SNX29: variants seen among roughly 807,000 people sequenced by gnomAD.
SNX29 encodes sorting nexin 29, also known as sorting nexin-29.
A neutral mutation model predicts 102.1 loss-of-function variants in SNX29; 78 were observed. The observed-to-expected ratio is 0.76, with a 90% confidence interval of 0.64 to 0.92. The LOEUF (loss-of-function observed/expected upper bound fraction) is 0.92, where lower values mean the gene tolerates loss of function less well. Ranked by LOEUF, SNX29 falls within the 40% of genes least tolerant of loss-of-function variation. The pLI, the probability that SNX29 is intolerant of heterozygous loss-of-function variation, is 0.00. For synonymous variants in SNX29, 580 were observed against 414.5 expected (o/e 1.40, Z -4.85); for missense variants, 1,280 against 1,061.7 (o/e 1.21, Z -2.86).
chr16:12,181,156 G>A lies in SNX29; in HGVS notation c.1596-18445G>A, dbSNP rs376557332. On this transcript the variant is annotated intron_variant, in intron 13 of 20. Coordinates refer to ENST00000566228, the MANE Select transcript of SNX29 (RefSeq NM_032167.5). ...TCCTGGCTTTACTGCACTTCTCAAC[G>A]TGGCCCACCACGCTTTTATGAACCC... Among the ~76,000 whole-genome samples, 11 of 152,140 alleles carry A rather than the reference G, an allele frequency of 7.2e-5. No homozygotes were observed. In the East Asian group the frequency reaches 1.2e-3, roughly 16 times the overall value.
chr16:12,233,544 A>C (rs1416026467), intron 14 of SNX29, among the ~76,000 whole-genome samples: 1 of 152,208 alleles, frequency 6.6e-6, no homozygotes, highest in Non-Finnish European at 1.5e-5. Flanking sequence ...ATTATGCAAT[A>C]TACCCATGTA....
At chr16:12,538,266 C>T (rs1002396792) in intron 20 of SNX29, among the ~76,000 whole-genome samples, 6 of 152,230 alleles carry the variant, frequency 3.9e-5, no homozygotes, top group East Asian at 3.9e-4. Flanking sequence ...CAGGGATCTG[C>T]CACCACACCT....
At chr16:12,548,219 C>T (rs969692314) in intron 20 of SNX29, among the ~76,000 whole-genome samples, 3 of 152,196 alleles carry the variant, frequency 2.0e-5, no homozygotes, top group African/African-American at 7.2e-5. Flanking sequence ...CACGCTGGAT[C>T]CTGCCACAGT....
At chr16:12,209,903 G>C (rs532897235) in intron 14 of SNX29, among the ~76,000 whole-genome samples, 3 of 152,300 alleles carry the variant, frequency 2.0e-5, no homozygotes, top group African/African-American at 7.2e-5. Context: ...GACTCTGCGT[G>C]GGGCTGAGAA....
At chr16:12,238,464 T>C (rs567176817) in intron 14 of SNX29, among the ~76,000 whole-genome samples, 2 of 152,264 alleles carry the variant, frequency 1.3e-5, no homozygotes, top group Admixed American at 6.5e-5. Context: ...TAGCTGGGAT[T>C]ACAGCCACGT....
intron 19 of SNX29, among the ~76,000 whole-genome samples, chr16:12,518,377 G>C (rs1460031053): frequency 6.6e-6 from 1 of 152,170 alleles, no homozygotes; most frequent in African/African-American, 2.4e-5. Flanking sequence ...TCCTGTTCCA[G>C]CAAGCCAAGC....
At chr16:12,157,805 C>A (rs1049434264) in intron 13 of SNX29, among the ~76,000 whole-genome samples, 3 of 152,162 alleles carry the variant, frequency 2.0e-5, no homozygotes, top group Non-Finnish European at 4.4e-5. Context: ...GTGTGCAGGG[C>A]CATTCTCTGA....
intron 16 of SNX29, among the ~76,000 whole-genome samples, chr16:12,381,383 C>CATG (rs2083142764): frequency 9.2e-6 from 1 of 108,566 alleles, no homozygotes; most frequent in Non-Finnish European, 1.9e-5. Flanking sequence ...CATCATCCAC[C>CATG]CACCCACTCA....
chr16:12,560,406 C>T (rs867792150), intron 20 of SNX29, among the ~76,000 whole-genome samples: 4 of 152,170 alleles, frequency 2.6e-5, no homozygotes, highest in African/African-American at 7.2e-5. Context: ...TCCCCAAAAG[C>T]CACAGTGTCT....
At chr16:12,121,968 A>G (rs2053992343) in intron 11 of SNX29, among the ~76,000 whole-genome samples, 2 of 152,008 alleles carry the variant, frequency 1.3e-5, no homozygotes, top group South Asian at 2.1e-4. Context: ...GGCACGCACC[A>G]TCACGCCTGG....
intron 20 of SNX29, among the ~76,000 whole-genome samples, chr16:12,539,972 ATTTTC>A (rs1018785778): frequency 5.9e-5 from 9 of 152,064 alleles, no homozygotes; most frequent in African/African-American, 1.9e-4. Context: ...AGTTGCACAT[ATTTTC>A]TTCTAGTCTT....
intron 19 of SNX29, among the ~76,000 whole-genome samples, chr16:12,505,303 G>A (rs2089321683): frequency 6.6e-6 from 1 of 152,078 alleles, no homozygotes; most frequent in African/African-American, 2.4e-5. Flanking sequence ...CATTCTTCTG[G>A]AGACTGGGAA....
At chr16:12,222,066 C>G (rs938989129) in intron 14 of SNX29, among the ~76,000 whole-genome samples, 4 of 152,212 alleles carry the variant, frequency 2.6e-5, no homozygotes, top group African/African-American at 7.2e-5. Flanking sequence ...ATGCCGGGCA[C>G]TGTTTGAAGA....
intron 15 of SNX29, among the ~76,000 whole-genome samples, chr16:12,319,319 T>C (rs2080853584): frequency 6.6e-6 from 1 of 152,114 alleles, no homozygotes; most frequent in African/African-American, 2.4e-5. Flanking sequence ...CCAAGCAACA[T>C]AGACCGTCTC....
intron 20 of SNX29, among the ~76,000 whole-genome samples, chr16:12,531,714 G>T (rs1430075896): frequency 2.0e-5 from 3 of 152,194 alleles, no homozygotes; most frequent in Non-Finnish European, 2.9e-5. Flanking sequence ...AGGAGGGGAA[G>T]CCCGCTTGGG....
chr16:12,507,409 C>A (rs1018756036), intron 19 of SNX29, among the ~76,000 whole-genome samples: 1 of 152,226 alleles, frequency 6.6e-6, no homozygotes, highest in Non-Finnish European at 1.5e-5. Flanking sequence ...CAGAATCGAA[C>A]CCTCCCCAAT....
At chr16:12,554,797 C>G (rs77113638) in intron 20 of SNX29, among the ~76,000 whole-genome samples, 3 of 152,242 alleles carry the variant, frequency 2.0e-5, no homozygotes, top group South Asian at 2.1e-4. Flanking sequence ...ATTGTTTATT[C>G]TAGAAATTTG....
At chr16:12,249,567 G>A (rs1353910960) in intron 14 of SNX29, among the ~76,000 whole-genome samples, 2 of 152,226 alleles carry the variant, frequency 1.3e-5, no homozygotes, top group African/African-American at 4.8e-5. Context: ...ATAGGTAGAT[G>A]AAAGGACAGA....
intron 19 of SNX29, among the ~76,000 whole-genome samples, chr16:12,499,783 C>G (rs1191123489): frequency 6.6e-6 from 1 of 152,168 alleles, no homozygotes; most frequent in Non-Finnish European, 1.5e-5. Context: ...TCAGGTGATT[C>G]TCCCAACTCA....
Sources: gnomAD v4.1 joint callset for allele counts (sites outside exome capture counted in the v4.1 genomes callset) on GRCh38, gnomAD v4.1.1 for gene constraint, MANE v1.5 for transcripts, NCBI Gene and HGNC (gene_info 2026-07-23, HGNC 2026-07-21) for gene names.